Variants in MTOR observed in about 807,000 individuals in gnomAD.
The protein encoded by MTOR is serine/threonine-protein kinase mTOR.
In MTOR, 70 loss-of-function variants were observed where a neutral mutation model predicts 319.8. The ratio of observed to expected loss-of-function variants is 0.22; its 90% CI spans 0.18 to 0.27. MTOR has a LOEUF of 0.27. MTOR is among the 10% of genes least tolerant of loss of function. The pLI is 1.00. For synonymous variants in MTOR, 1,183 were observed against 1,211.4 expected, an observed-to-expected ratio of 0.98 and a Z score of 0.49; for missense variants, 1,890 against 3,274.4, an observed-to-expected ratio of 0.58 and a Z score of 10.32.
At position 11,191,203 on chromosome 1, in the gene MTOR, C is replaced by T. The variant is rs142986259; in HGVS notation, c.4253+8055G>A. On this transcript the variant is annotated intron_variant, in intron 28 of 57. Coordinates refer to ENST00000361445, the MANE Select transcript of MTOR (RefSeq NM_004958.4). ...TGCAGCTCTCCCACCAGGTCTCTTG[C>T]TCTTCTTGCCCAGGACATCATTCCT... Among the ~76,000 whole-genome samples, 1,155 of 152,340 alleles carry T rather than the reference C, an allele frequency of 7.6e-3. 16 individuals carry two copies. The highest frequency in any genetic ancestry group is 0.026 in the African/African-American group (1,095 of 41,570).
intron 28 of MTOR, among the ~76,000 whole-genome samples, chr1:11,196,609 C>A (rs1247626608): frequency 1.3e-5 from 2 of 152,128 alleles, no homozygotes; most frequent in Non-Finnish European, 2.9e-5. Flanking sequence ...AATCCCAGCA[C>A]TTTAGGAGGC....
chr1:11,262,402 C>T (rs1651264845), intron 1 of MTOR, 43 bp downstream of exon 1: 2 of 152,404 alleles, frequency 1.3e-5, no homozygotes, highest in African/African-American at 4.8e-5. Flanking sequence ...TGGGTCTGGA[C>T]ATTACGCCGC....
chr1:11,189,597 C>G, intron 28 of MTOR: 1 of 1,609,432 alleles, frequency 6.2e-7, no homozygotes, highest in Non-Finnish European at 8.5e-7. Flanking sequence ...AAAAGCCTCT[C>G]TCAGCTGTGA....
chr1:11,118,618 C>CTT (rs1359304379), intron 49 of MTOR, among the ~76,000 whole-genome samples: 39 of 127,250 alleles, frequency 3.1e-4, no homozygotes, highest in Middle Eastern at 4.2e-3. Flanking sequence ...TTTTCTTCTT[C>CTT]TTTTTTTTTT....
rs1169844654 is a variant in MTOR, at chr1:11,127,949, C to T, written c.6033+55G>A. 4.4e-5 allele frequency: 71 copies of T among 1,605,160 alleles called. No homozygotes were observed. The highest frequency in any genetic ancestry group is 8.0e-5 in the African/African-American group (6 of 74,672). Reference sequence around the variant, plus strand: ...CGAGGAAGAAAAACAATCCCACTTGCGCCCACCAGCTAAGGGACCAGGGTC... The same window carrying T: ...CGAGGAAGAAAAACAATCCCACTTGTGCCCACCAGCTAAGGGACCAGGGTC... On this transcript the variant is annotated intron_variant, in intron 43 of 57. Transcript: ENST00000361445. This position sits in a 1 kb window ranked among gnomAD's most constrained non-coding sequence, Gnocchi z 5.5.
chr1:11,258,448 A>C (rs1650710816), intron 3 of MTOR, 37 bp downstream of exon 3: 1 of 1,406,454 alleles, frequency 7.1e-7, no homozygotes, highest in East Asian at 2.3e-5. Flanking sequence ...CACAAAGGTG[A>C]GTGTGTTGTT....
At chr1:11,241,789 A>G in intron 9 of MTOR, 108 bp from the exon 10 acceptor site, 1 of 1,258,178 alleles carries the variant, frequency 7.9e-7, no homozygotes, top group Non-Finnish European at 1.1e-6. Flanking sequence ...CAGGGCTACC[A>G]CAGATGGGTA....
intron 29 of MTOR, among the ~76,000 whole-genome samples, chr1:11,160,605 G>A (rs977676596): frequency 5.3e-5 from 8 of 152,284 alleles, no homozygotes; most frequent in African/African-American, 1.7e-4. Flanking sequence ...TTCTTAACCT[G>A]CTGGGACCAC....
chr1:11,107,228 T>C lies in MTOR; in HGVS notation c.*257A>G. The C allele has an allele frequency of 4.2e-6, 6 of 1,412,424 alleles. No individual in the cohort carries two copies. Among genetic ancestry groups the C allele is most frequent in the Non-Finnish European group, 5.6e-6 (6 of 1,074,860 alleles). 87.5% of individuals were successfully genotyped at this position (1,412,424 alleles called of 1,614,324 possible). On this transcript the variant is annotated 3_prime_UTR_variant, in exon 58 of 58. Coordinates refer to ENST00000361445, the MANE Select transcript of MTOR (RefSeq NM_004958.4). Reference sequence around the variant, plus strand: ...TGGATCTTCTGTTCCCCAAAATGAATGGCTTGATTTACGTGGTATTACTAT... The same window carrying C: ...TGGATCTTCTGTTCCCCAAAATGAACGGCTTGATTTACGTGGTATTACTAT...
At chr1:11,118,035 T>C (rs1642267012) in intron 49 of MTOR, among the ~76,000 whole-genome samples, 1 of 151,566 alleles carries the variant, frequency 6.6e-6, no homozygotes, top group Non-Finnish European at 1.5e-5. Context: ...GCCAAAATCA[T>C]GCCACTGCAC....
At chr1:11,179,178 C>A (rs17036461) in intron 28 of MTOR, among the ~76,000 whole-genome samples, 8,981 of 152,228 alleles carry the variant, frequency 0.059, 372 homozygotes, top group South Asian at 0.12. Context: ...ACTGCATGAA[C>A]AGTCAGAGGT....
chr1:11,174,768 AT>A (rs1382765581), intron 28 of MTOR, among the ~76,000 whole-genome samples: 1 of 152,172 alleles, frequency 6.6e-6, no homozygotes, highest in Non-Finnish European at 1.5e-5. Context: ...TGGGAGTTTT[AT>A]AAAGCCCATT....
intron 28 of MTOR, among the ~76,000 whole-genome samples, chr1:11,176,428 C>T (rs891180979): frequency 7.2e-5 from 11 of 152,248 alleles, no homozygotes; most frequent in Non-Finnish European, 1.2e-4. Flanking sequence ...GCTGGGGCAA[C>T]GCTCAGGCTT....
chr1:11,176,902 G>T (rs1157372620), intron 28 of MTOR, among the ~76,000 whole-genome samples: 1 of 152,188 alleles, frequency 6.6e-6, no homozygotes, highest in African/African-American at 2.4e-5. Context: ...GGGAACAGGA[G>T]AATGGTCTGG....
Position 11,182,178 on chromosome 1 carries a change from C to T in MTOR, c.4254-14661G>A, listed in dbSNP as rs150861575. 6.0e-3 allele frequency among the ~76,000 whole-genome samples: 911 copies of T among 151,544 alleles called. 10 individuals are homozygous for T. The highest frequency in any genetic ancestry group is 0.021 in the African/African-American group (858 of 41,160). On this transcript the variant is annotated intron_variant, in intron 28 of 57. Transcript: ENST00000361445. ...GTTGCAGTGAGCTGAGATTGCGCCA[C>T]TGCGCTCCAGCCTGGGCAATAAGAG...
intron 46 of MTOR, among the ~76,000 whole-genome samples, chr1:11,124,907 C>T (rs779887066): frequency 7.9e-5 from 12 of 152,184 alleles, no homozygotes; most frequent in East Asian, 1.9e-4. Context: ...TCCTGTTTTC[C>T]GACCCACTCT....
At chr1:11,146,150 C>T (rs938940412) in intron 32 of MTOR, among the ~76,000 whole-genome samples, 2 of 152,168 alleles carry the variant, frequency 1.3e-5, no homozygotes, top group African/African-American at 4.8e-5. Flanking sequence ...TGTCCCAATG[C>T]CTTAAGTGCT....
chr1:11,193,842 G>A, intron 28 of MTOR: 3 of 1,484,552 alleles, frequency 2.0e-6, no homozygotes, highest in Non-Finnish European at 2.8e-6. Flanking sequence ...ACAACTCCGG[G>A]GGTGCCATTC....
chr1:11,253,817 C>A (rs760383976), intron 6 of MTOR, 22 bp downstream of exon 6: 1 of 1,613,918 alleles, frequency 6.2e-7, no homozygotes, highest in Non-Finnish European at 8.5e-7. Flanking sequence ...AGCCTGGACT[C>A]CCCTCTGCCG....
Sources: gnomAD v4.1 joint callset for allele counts (sites outside exome capture counted in the v4.1 genomes callset) on GRCh38, gnomAD v4.1.1 for gene constraint, Gnocchi (gnomAD v3.1) non-coding constraint, MANE v1.5 for transcripts, NCBI Gene and HGNC (gene_info 2026-07-23, HGNC 2026-07-21) for gene names.